The following FLI1 variants were observed in gnomAD, a reference collection of about 807,000 sequenced individuals.
FLI1 encodes Fli-1 proto-oncogene, ETS transcription factor, also known as Friend leukemia integration 1 transcription factor.
Under a neutral mutation model 53.1 loss-of-function variants are expected in FLI1, and 13 were observed. The observed-to-expected ratio is 0.24, with a 90% CI of 0.16 to 0.39. The LOEUF is 0.39. Ranked by LOEUF, FLI1 falls within the 10% of genes least tolerant of loss-of-function variation. FLI1 has a pLI of 1.00. For synonymous variants in FLI1, 244 were observed against 236.7 expected, an observed-to-expected ratio of 1.03 and a Z score of -0.28; for missense variants, 424 against 600.5, an observed-to-expected ratio of 0.71 and a Z score of 3.07.
At chr11:128,697,744 C>T (rs1409155445) in intron 1 of FLI1, among the ~76,000 whole-genome samples, 4 of 152,228 alleles carry the variant, frequency 2.6e-5, no homozygotes, top group African/African-American at 7.2e-5. Flanking sequence ...AATTTACCAT[C>T]ATGCATATTT....
chr11:128,761,336 G>A lies in FLI1; in HGVS notation c.230+3010G>A, dbSNP rs11828442. Among the ~76,000 whole-genome samples, 340 of 152,186 alleles carry A rather than the reference G, an allele frequency of 2.2e-3. 2 individuals are homozygous for A. The highest frequency in any genetic ancestry group is 6.9e-3 in the African/African-American group (285 of 41,500). ...CCCTGGCCACCTGATCGAAACCAGC[G>A]CCTCCTCACTCTTTACCCTGCTTAG... is the stretch of plus-strand genomic sequence containing the variant. On this transcript the variant is annotated intron_variant, in intron 2 of 8. Transcript: ENST00000527786.
At chr11:128,799,430 C>T (rs1942559623) in intron 5 of FLI1, among the ~76,000 whole-genome samples, 1 of 152,122 alleles carries the variant, frequency 6.6e-6, no homozygotes. Flanking sequence ...CCATTTATCA[C>T]ATGCTTATTT....
At chr11:128,784,740 C>T (rs1040060827) in intron 5 of FLI1, among the ~76,000 whole-genome samples, 16 of 152,244 alleles carry the variant, frequency 1.1e-4, no homozygotes, top group Non-Finnish European at 2.9e-5. Context: ...CTCTCCTGCT[C>T]TGCTCTAATC....
intron 1 of FLI1, among the ~76,000 whole-genome samples, chr11:128,701,538 C>T (rs1039972987): frequency 2.6e-5 from 4 of 152,174 alleles, no homozygotes; most frequent in Admixed American, 2.6e-4. Flanking sequence ...TAATTCAGAT[C>T]AACTTTACAG....
At chr11:128,754,276 T>TGTGTGC (rs1491299709) in intron 1 of FLI1, among the ~76,000 whole-genome samples, 13 of 148,820 alleles carry the variant, frequency 8.7e-5, no homozygotes, top group South Asian at 2.1e-4. Context: ...TGTGTGTGTG[T>TGTGTGC]GCACATATGC....
chr11:128,760,497 C>T (rs1355536937), intron 2 of FLI1, among the ~76,000 whole-genome samples: 1 of 150,340 alleles, frequency 6.7e-6, no homozygotes, highest in Non-Finnish European at 1.5e-5. Flanking sequence ...TGTTGAAGAT[C>T]CAGATCCCAC....
At chr11:128,801,896 TA>T (rs1307097917) in intron 5 of FLI1, among the ~76,000 whole-genome samples, 1 of 152,118 alleles carries the variant, frequency 6.6e-6, no homozygotes, top group African/African-American at 2.4e-5. Context: ...ATATGAACCA[TA>T]AACGACAAAT....
At chr11:128,778,763 C>T (rs1941821506) in intron 4 of FLI1, among the ~76,000 whole-genome samples, 1 of 152,216 alleles carries the variant, frequency 6.6e-6, no homozygotes, top group Non-Finnish European at 1.5e-5. Context: ...CTCAGCAGCA[C>T]AGGCCTGTGG....
At chr11:128,783,471 T>C (rs2135867705) in intron 5 of FLI1, among the ~76,000 whole-genome samples, 1 of 152,372 alleles carries the variant, frequency 6.6e-6, no homozygotes, top group South Asian at 2.1e-4. Flanking sequence ...GCCAGTCCTG[T>C]TTCTGCCACT....
chr11:128,688,099 G>T (rs1324288611), intron 1 of FLI1, among the ~76,000 whole-genome samples: 1 of 152,158 alleles, frequency 6.6e-6, no homozygotes, highest in African/African-American at 2.4e-5. Flanking sequence ...TTCTAGCTCT[G>T]CACTGAGGAT....
intron 1 of FLI1, among the ~76,000 whole-genome samples, chr11:128,739,753 T>C (rs1022310816): frequency 1.3e-5 from 2 of 152,188 alleles, no homozygotes; most frequent in African/African-American, 4.8e-5. Context: ...TGAAAGTGCC[T>C]ACAGTTATGA....
chr11:128,694,086 TACA>T lies in FLI1; in HGVS notation c.-165_-163del, dbSNP rs778508207. 1.1e-4 allele frequency: 55 copies of T among 521,066 alleles called. No individual in the cohort carries two copies. Among genetic ancestry groups the T allele is most frequent in the Non-Finnish European group, 1.5e-4 (47 of 310,630 alleles). 32.3% of individuals were successfully genotyped at this position (521,066 alleles called of 1,614,324 possible). A position where few individuals can be genotyped will look rare whatever the true frequency, so the allele number is the denominator to read the frequency against. ...CGGTTAACTGTCTCTTTCGCTCCGCTACAACAACAAACGTGCACAGGGGAGTGA... is the reference window on the plus strand; with the variant it reads ...CGGTTAACTGTCTCTTTCGCTCCGCTACAACAAACGTGCACAGGGGAGTGA... On this transcript the variant is annotated 5_prime_UTR_variant, in exon 1 of 9. Transcript: ENST00000527786.
upstream of FLI1, among the ~76,000 whole-genome samples, chr11:128,690,574 A>G (rs1937699767): frequency 6.6e-6 from 1 of 152,232 alleles, no homozygotes; most frequent in African/African-American, 2.4e-5. Context: ...TCCCGGGGGA[A>G]GCAGGACTTC....
intron 5 of FLI1, among the ~76,000 whole-genome samples, chr11:128,791,397 GGTC>G (rs1942266731): frequency 2.6e-5 from 4 of 152,080 alleles, no homozygotes; most frequent in African/African-American, 4.8e-5. Context: ...TTAGGGCCGT[GGTC>G]AGATCAGACA....
chr11:128,744,565 G>T (rs564437242), intron 1 of FLI1, among the ~76,000 whole-genome samples: 1 of 152,324 alleles, frequency 6.6e-6, no homozygotes, highest in South Asian at 2.1e-4. Flanking sequence ...ACTGGCAAGT[G>T]GTAGATGTAG....
At chr11:128,780,551 C>T (rs753741919) in intron 4 of FLI1, among the ~76,000 whole-genome samples, 25 of 152,316 alleles carry the variant, frequency 1.6e-4, no homozygotes, top group African/African-American at 5.3e-4. Flanking sequence ...ACTGAGATCG[C>T]GCCATTGCAC....
At chr11:128,781,320 C>A (rs1941909931) in intron 4 of FLI1, among the ~76,000 whole-genome samples, 1 of 152,164 alleles carries the variant, frequency 6.6e-6, no homozygotes, top group Non-Finnish European at 1.5e-5. Flanking sequence ...TACATAAACC[C>A]AGAAGATACC....
intron 1 of FLI1, among the ~76,000 whole-genome samples, chr11:128,727,980 C>T (rs1389614517): frequency 6.6e-6 from 1 of 152,246 alleles, no homozygotes; most frequent in East Asian, 1.9e-4. Flanking sequence ...AGCTTCCCTC[C>T]CTGACCCACT....
At chr11:128,705,543 A>G (rs548589310) in intron 1 of FLI1, among the ~76,000 whole-genome samples, 19 of 152,298 alleles carry the variant, frequency 1.2e-4, no homozygotes, top group African/African-American at 4.6e-4. Context: ...TTTAAAAAAC[A>G]TAACAGATTC....
Sources: allele counts gnomAD v4.1 joint callset (sites outside exome capture counted in the v4.1 genomes callset), GRCh38; gene constraint gnomAD v4.1.1; transcripts MANE v1.5; gene names NCBI Gene and HGNC (gene_info 2026-07-23, HGNC 2026-07-21).